DPP3: variants seen among roughly 807,000 people sequenced by gnomAD.
DPP3 encodes dipeptidyl peptidase 3, also known as DPP III.
In DPP3, 64 loss-of-function variants were observed where a neutral mutation model predicts 89.8. That is an observed-to-expected ratio of 0.71 (90% CI 0.58 to 0.88). The LOEUF (loss-of-function observed/expected upper bound fraction) is 0.88, where lower values mean the gene tolerates loss of function less well. DPP3 is among the 40% of genes least tolerant of loss of function. The pLI is 0.00. For synonymous variants in DPP3, 377 were observed against 404.3 expected, an observed-to-expected ratio of 0.93 and a Z score of 0.81; for missense variants, 835 against 972.5, an observed-to-expected ratio of 0.86 and a Z score of 1.88.
At chr11:66,493,946 A>G (rs1855464075) in intron 12 of DPP3, among the ~76,000 whole-genome samples, 1 of 152,050 alleles carries the variant, frequency 6.6e-6, no homozygotes, top group South Asian at 2.1e-4. Flanking sequence ...ACCAGGAGGA[A>G]TTGTTTGGCT....
chr11:66,509,507 C>G lies in DPP3; in HGVS notation c.*256C>G, dbSNP rs1297135006. ...AAGACAGGGCTTACCATCCTGTCTA[C>G]CAGATGAGGAAATGGCAGTTCTGAG... is the stretch of plus-strand genomic sequence containing the variant. On this transcript the variant is annotated 3_prime_UTR_variant, in exon 18 of 18. Coordinates refer to ENST00000531863, the MANE Select transcript of DPP3 (RefSeq NM_130443.4). The G allele has an allele frequency of 1.6e-6, 2 of 1,220,560 alleles. No homozygotes were observed. Among genetic ancestry groups the G allele is most frequent in the Non-Finnish European group, 2.3e-6 (2 of 859,946 alleles). The allele number at this position is 1,220,560 out of a possible 1,614,324, so 75.6% of individuals were successfully genotyped here. A position where few individuals can be genotyped will look rare whatever the true frequency, so the allele number is the denominator to read the frequency against.
In DPP3 at chr11:66,482,464, G is replaced by A. The variant is rs765310681; in HGVS notation, c.264G>A (p.Glu88=). Residue 88 remains glutamate (E), a synonymous_variant, in exon 2 of 18, where the codon GAG becomes GAA. Coordinates refer to ENST00000531863, the MANE Select transcript of DPP3 (RefSeq NM_130443.4). ...HALAEGLTEE[E]YQAFLVYAAG... ...TGGCTGAAGGCCTTACCGAGGAGGA[G>A]TATCAGGTCAGTTCTCTTGGGCCAA... is the stretch of plus-strand genomic sequence containing the variant. The A allele has an allele frequency of 2.5e-6, 4 of 1,604,324 alleles. No homozygotes were observed. The highest frequency in any genetic ancestry group is 1.3e-5 in the African/African-American group (1 of 74,936).
intron 15 of DPP3, 125 bp from the exon 16 acceptor site, chr11:66,497,173 G>T (rs757011478): frequency 9.9e-5 from 119 of 1,199,422 alleles, no homozygotes; most frequent in Non-Finnish European, 1.3e-4. Context: ...GACAATAACA[G>T]TTGCCAGTTA....
intron 1 of DPP3, among the ~76,000 whole-genome samples, chr11:66,481,262 G>A (rs1281419794): frequency 6.6e-6 from 1 of 152,206 alleles, no homozygotes; most frequent in Non-Finnish European, 1.5e-5. Context: ...GCCAAGGCAA[G>A]CAGATCGCTT....
At chr11:66,490,757 TG>T (rs1298955571) in intron 6 of DPP3, among the ~76,000 whole-genome samples, 1 of 146,436 alleles carries the variant, frequency 6.8e-6, no homozygotes, top group African/African-American at 2.5e-5. Context: ...GGTTTTGTTT[TG>T]TTTTTTTTGT....
At chr11:66,480,653 G>A in intron 1 of DPP3, 188 bp downstream of exon 1, 2 of 595,750 alleles carry the variant, frequency 3.4e-6, no homozygotes, top group Non-Finnish European at 5.2e-6. Context: ...CGAACCTCGA[G>A]GCTGTGCTAT....
intron 1 of DPP3, chr11:66,480,792 T>A (rs1855055582): frequency 3.5e-6 from 1 of 285,974 alleles, no homozygotes; most frequent in Non-Finnish European, 6.5e-6. Flanking sequence ...CTGTCAGACC[T>A]TCAGTAAATT....
At chr11:66,507,866 G>GGGGT in intron 17 of DPP3, among the ~76,000 whole-genome samples, 1 of 151,964 alleles carries the variant, frequency 6.6e-6, no homozygotes, top group Middle Eastern at 3.4e-3. Context: ...TAGTAGAGAT[G>GGGGT]GGGTTTCACC....
chr11:66,493,947 T>C (rs1401896861), intron 12 of DPP3, among the ~76,000 whole-genome samples: 1 of 152,022 alleles, frequency 6.6e-6, no homozygotes, highest in Non-Finnish European at 1.5e-5. Context: ...CCAGGAGGAA[T>C]TGTTTGGCTC....
At position 66,491,291 on chromosome 11, in the gene DPP3, A is replaced by G. The variant is rs374360664; in HGVS notation, c.706A>G (p.Ser236Gly). ...LDSEVTSKLK[S>G]YEFRGSPFQV... The stretch of plus-strand genomic sequence containing the variant: ...CTCTGAGGTGACTTCCAAGCTGAAG[A>G]GCTATGAATTCCGGGGAAGCCCTTT... The change falls in exon 7 of 18, where the codon AGC (serine) becomes GGC (glycine). Residue 236 changes from serine (S) to glycine (G), a missense_variant. Coordinates refer to ENST00000531863, the MANE Select transcript of DPP3 (RefSeq NM_130443.4). The G allele has an allele frequency of 4.3e-6, 7 of 1,613,616 alleles. No homozygotes were observed. The highest frequency in any genetic ancestry group is 5.9e-6 in the Non-Finnish European group (7 of 1,179,942).
intron 4 of DPP3, 53 bp from the exon 5 acceptor site, chr11:66,487,215 C>A (rs1222729332): frequency 3.2e-6 from 5 of 1,574,382 alleles, no homozygotes; most frequent in Non-Finnish European, 4.4e-6. Context: ...GACGTCCCTG[C>A]AGCCCTGACC....
intron 1 of DPP3, chr11:66,481,953 G>A: frequency 1.7e-6 from 1 of 576,574 alleles, no homozygotes; most frequent in South Asian, 2.1e-5. Context: ...TGACCTTAGA[G>A]TCAATCTTTA....
intron 16 of DPP3, among the ~76,000 whole-genome samples, chr11:66,497,750 G>C (rs1017801759): frequency 6.6e-6 from 1 of 151,958 alleles, no homozygotes; most frequent in African/African-American, 2.4e-5. Flanking sequence ...AATTAGCCAG[G>C]TATGGTAGTG....
At chr11:66,498,893 G>A (rs541508151) in intron 16 of DPP3, among the ~76,000 whole-genome samples, 5 of 152,254 alleles carry the variant, frequency 3.3e-5, no homozygotes, top group African/African-American at 1.2e-4. Flanking sequence ...CACGCCTGTG[G>A]TCGCAGCCAC....
intron 6 of DPP3, among the ~76,000 whole-genome samples, chr11:66,489,156 G>T (rs571159802): frequency 6.6e-6 from 1 of 152,250 alleles, no homozygotes; most frequent in South Asian, 2.1e-4. Flanking sequence ...GTGAGCCACC[G>T]CGCCTGGCCC....
chr11:66,488,565 GAAAA>G (rs1040646975), intron 6 of DPP3, among the ~76,000 whole-genome samples: 1 of 104,428 alleles, frequency 9.6e-6, no homozygotes, highest in East Asian at 2.7e-4. Context: ...CCAGATCAAG[GAAAA>G]AAAAAAAAAA....
chr11:66,491,895 C>A, intron 9 of DPP3, 139 bp downstream of exon 9: 1 of 943,030 alleles, frequency 1.1e-6, no homozygotes. Context: ...AAATAAACAC[C>A]GTTTACAATG....
intron 16 of DPP3, among the ~76,000 whole-genome samples, chr11:66,502,731 T>C (rs951516462): frequency 5.9e-5 from 9 of 152,214 alleles, no homozygotes; most frequent in African/African-American, 2.2e-4. Flanking sequence ...CCCAAAGTGC[T>C]GGGATTACAG....
In DPP3 at chr11:66,495,463, CCT is replaced by C. The variant is rs767815573; in HGVS notation, c.1554_1555del (p.Cys519SerfsTer12). 1.9e-6 allele frequency: 3 copies of C among 1,611,988 alleles called. No individual in the cohort carries two copies. The East Asian group carries it at 6.7e-5, about 36-fold the overall frequency. On this transcript the variant is annotated frameshift_variant, in exon 14 of 18. Coordinates refer to ENST00000531863, the MANE Select transcript of DPP3 (RefSeq NM_130443.4). LOFTEE classifies it high-confidence loss of function. ...ECRAESVGLY[L>X]CLHPQVLEIF... Reference sequence around the variant, plus strand: ...GCCGGGCTGAGAGCGTGGGTCTCTACCTCTGTCTCCACCCGCAAGTGCTGGAG... The same window carrying C: ...GCCGGGCTGAGAGCGTGGGTCTCTACCTGTCTCCACCCGCAAGTGCTGGAG...
Sources: gnomAD v4.1 joint callset for allele counts (sites outside exome capture counted in the v4.1 genomes callset) on GRCh38, gnomAD v4.1.1 for gene constraint, MANE v1.5 for transcripts, NCBI Gene and HGNC (gene_info 2026-07-23, HGNC 2026-07-21) for gene names.